The following FHIT variants were observed in gnomAD, a reference collection of about 807,000 sequenced individuals.
FHIT encodes fragile histidine triad diadenosine triphosphatase.
In FHIT, 19 loss-of-function variants were observed where a neutral mutation model predicts 17.9. The ratio of observed to expected loss-of-function variants is 1.06; its 90% CI spans 0.74 to 1.56. The LOEUF (loss-of-function observed/expected upper bound fraction) is 1.56, where lower values mean the gene tolerates loss of function less well. Among genes scored for constraint, FHIT ranks in the 40% most tolerant of loss-of-function variants. FHIT has a pLI of 0.00. For synonymous variants in FHIT, 81 were observed against 69.7 expected (o/e 1.16, Z -0.81); for missense variants, 248 against 189.2 (o/e 1.31, Z -1.82).
intron 1 of FHIT, among the ~76,000 whole-genome samples, chr3:61,204,275 T>TG (rs747494288): frequency 9.5e-4 from 145 of 152,120 alleles, no homozygotes; most frequent in Non-Finnish European, 1.7e-3. Context: ...GTGAGAGGAA[T>TG]GGGGGGGCTT....
intron 5 of FHIT, among the ~76,000 whole-genome samples, chr3:60,123,796 T>C (rs1172611707): frequency 6.6e-6 from 1 of 151,260 alleles, no homozygotes; most frequent in Non-Finnish European, 1.5e-5. Flanking sequence ...TAAAATAATT[T>C]ATAATCTATC....
At chr3:60,098,751 A>C (rs924908401) in intron 5 of FHIT, among the ~76,000 whole-genome samples, 1 of 152,176 alleles carries the variant, frequency 6.6e-6, no homozygotes, top group African/African-American at 2.4e-5. Flanking sequence ...AGCAAACTTT[A>C]TTGTAAGAAA....
At chr3:59,811,873 T>A (rs1700417416) in intron 8 of FHIT, among the ~76,000 whole-genome samples, 1 of 152,172 alleles carries the variant, frequency 6.6e-6, no homozygotes, top group African/African-American at 2.4e-5. Flanking sequence ...TGTGGATGGC[T>A]GTGATTGTGA....
chr3:60,526,682 T>G (rs1012987024), intron 5 of FHIT, among the ~76,000 whole-genome samples: 1 of 152,130 alleles, frequency 6.6e-6, no homozygotes. Context: ...AGCACTCTTG[T>G]GTGCTCATGT....
intron 1 of FHIT, among the ~76,000 whole-genome samples, chr3:61,242,099 T>C (rs1342377729): frequency 2.6e-5 from 4 of 152,166 alleles, no homozygotes. Flanking sequence ...GGACCGTTGA[T>C]ATAAGGGTTT....
At chr3:60,470,058 T>TTCTCTCTTTCTCTC (rs2033008916) in intron 5 of FHIT, among the ~76,000 whole-genome samples, 1 of 142,942 alleles carries the variant, frequency 7.0e-6, no homozygotes, top group Non-Finnish European at 1.5e-5. Flanking sequence ...CTCTCTTTCT[T>TTCTCTCTTTCTCTC]TCTCTCTCTC....
intron 5 of FHIT, among the ~76,000 whole-genome samples, chr3:60,189,526 A>T (rs1702307702): frequency 6.6e-6 from 1 of 152,194 alleles, no homozygotes; most frequent in Non-Finnish European, 1.5e-5. Flanking sequence ...CTTCCTTCTT[A>T]TAAGTAGATT....
chr3:60,713,186 A>C lies in FHIT; in HGVS notation c.-18+108733T>G, dbSNP rs534404359. 9.4e-3 allele frequency among the ~76,000 whole-genome samples: 1,429 copies of C among 152,138 alleles called. 19 individuals carry two copies. Among genetic ancestry groups the C allele is most frequent in the African/African-American group, 0.033 (1,362 of 41,534 alleles). On this transcript the variant is annotated intron_variant, in intron 4 of 9. Transcript: ENST00000492590. ...CTGTTCCTGAATGACTACTGGGTAC[A>C]TAATGAAATGAAGGCAGAAATAAAG... is the stretch of plus-strand genomic sequence containing the variant.
At chr3:60,141,746 G>A (rs1700047475) in intron 5 of FHIT, among the ~76,000 whole-genome samples, 1 of 152,148 alleles carries the variant, frequency 6.6e-6, no homozygotes, top group South Asian at 2.1e-4. Flanking sequence ...ATATTTTCCA[G>A]TTTAATTTCC....
At chr3:60,075,490 C>T (rs899691579) in intron 5 of FHIT, among the ~76,000 whole-genome samples, 1 of 151,968 alleles carries the variant, frequency 6.6e-6, no homozygotes, top group Non-Finnish European at 1.5e-5. Context: ...CCATATTATT[C>T]GAGTGTTTGT....
intron 7 of FHIT, among the ~76,000 whole-genome samples, chr3:59,986,201 C>A (rs1708892973): frequency 6.6e-6 from 1 of 151,610 alleles, no homozygotes; most frequent in Admixed American, 6.6e-5. Context: ...TCATTCTTTC[C>A]AAAAACAAGG....
At chr3:60,587,603 C>T (rs942920485) in intron 4 of FHIT, among the ~76,000 whole-genome samples, 1 of 151,996 alleles carries the variant, frequency 6.6e-6, no homozygotes, top group Non-Finnish European at 1.5e-5. Context: ...TGTCTTTTGT[C>T]CCTACAGTTG....
chr3:60,177,314 T>G (rs938035081), intron 5 of FHIT, among the ~76,000 whole-genome samples: 1 of 148,748 alleles, frequency 6.7e-6, no homozygotes, highest in African/African-American at 2.5e-5. Flanking sequence ...TAGAATTTGA[T>G]AGTCAGTTAC....
At chr3:60,960,093 G>A (rs188199840) in intron 3 of FHIT, among the ~76,000 whole-genome samples, 25 of 151,704 alleles carry the variant, frequency 1.6e-4, no homozygotes, top group Admixed American at 1.4e-3. Flanking sequence ...ACTGCTTTCC[G>A]AATTCCAAAG....
intron 8 of FHIT, among the ~76,000 whole-genome samples, chr3:59,907,643 C>T (rs557137354): frequency 6.6e-6 from 1 of 152,150 alleles, no homozygotes; most frequent in African/African-American, 2.4e-5. Flanking sequence ...TGTGCTCTAC[C>T]CTTGCCTTTT....
chr3:60,556,330 GA>G (rs1414276007), intron 4 of FHIT, among the ~76,000 whole-genome samples: 2 of 152,202 alleles, frequency 1.3e-5, no homozygotes, highest in Non-Finnish European at 2.9e-5. Context: ...GATTAAGAAG[GA>G]GCTGGTCCCT....
chr3:59,958,044 T>C (rs1707489180), intron 7 of FHIT, among the ~76,000 whole-genome samples: 1 of 152,212 alleles, frequency 6.6e-6, no homozygotes, highest in Non-Finnish European at 1.5e-5. Context: ...AAGGTGACCA[T>C]ACCATATGCA....
chr3:59,833,438 G>A (rs780398155), intron 8 of FHIT, among the ~76,000 whole-genome samples: 2 of 152,150 alleles, frequency 1.3e-5, no homozygotes, highest in Non-Finnish European at 2.9e-5. Context: ...ATCAAAGATC[G>A]CTGGCAAACT....
At chr3:60,622,356 T>C (rs1427922498) in intron 4 of FHIT, among the ~76,000 whole-genome samples, 1 of 151,364 alleles carries the variant, frequency 6.6e-6, no homozygotes, top group Non-Finnish European at 1.5e-5. Context: ...TTTTGAAACG[T>C]ACAAATCTAG....
Sources: gnomAD v4.1 joint callset for allele counts (sites outside exome capture counted in the v4.1 genomes callset) on GRCh38, gnomAD v4.1.1 for gene constraint, MANE v1.5 for transcripts, NCBI Gene and HGNC (gene_info 2026-07-23, HGNC 2026-07-21) for gene names.